Variants in NECAB1 observed in about 807,000 individuals in gnomAD.
The protein encoded by NECAB1 is N-terminal EF-hand calcium binding protein 1.
In NECAB1, 29 loss-of-function variants were observed where a neutral mutation model predicts 57.5. The observed-to-expected ratio is 0.50, with a 90% CI of 0.38 to 0.69. The LOEUF (loss-of-function observed/expected upper bound fraction) is 0.69. NECAB1 is among the 30% of genes least tolerant of loss of function. NECAB1 has a pLI of 0.00. For missense variants in NECAB1, 372 were observed against 413.8 expected (o/e 0.90, Z 0.88); for synonymous variants, 142 against 147.7 (o/e 0.96, Z 0.28).
chr8:90,904,333 A>G (rs1004920105), intron 5 of NECAB1, among the ~76,000 whole-genome samples: 1 of 151,974 alleles, frequency 6.6e-6, no homozygotes, highest in Non-Finnish European at 1.5e-5. Context: ...ATCATCAGCT[A>G]AATAATAAGT....
chr8:90,917,901 T>TGCGC (rs1270368652), intron 6 of NECAB1, among the ~76,000 whole-genome samples: 2 of 127,310 alleles, frequency 1.6e-5, no homozygotes, highest in East Asian at 2.7e-4. Context: ...TATATGTCTG[T>TGCGC]GTGTATATAT....
intron 5 of NECAB1, 28 bp from the exon 6 acceptor site, chr8:90,917,464 C>T: frequency 6.4e-7 from 1 of 1,563,726 alleles, no homozygotes; most frequent in East Asian, 2.3e-5. Flanking sequence ...TACCATACTT[C>T]TAATTGCATT....
At chr8:90,881,012 T>G in intron 4 of NECAB1, 21 bp from the exon 5 acceptor site, 1 of 1,529,112 alleles carries the variant, frequency 6.5e-7, no homozygotes, top group Non-Finnish European at 8.9e-7. Context: ...ATGAATTTAT[T>G]TCAATATTTT....
intron 1 of NECAB1, among the ~76,000 whole-genome samples, chr8:90,795,110 A>G (rs1334167558): frequency 6.6e-6 from 1 of 152,232 alleles, no homozygotes; most frequent in Admixed American, 6.5e-5. Context: ...CCAATGGACT[A>G]TCATTTCCCC....
At chr8:90,868,685 T>G (rs1474131293) in intron 3 of NECAB1, among the ~76,000 whole-genome samples, 2 of 152,164 alleles carry the variant, frequency 1.3e-5, no homozygotes, top group Admixed American at 1.3e-4. Flanking sequence ...TGCTCATATA[T>G]GTGAACAAAG....
In NECAB1 at chr8:90,956,619, A is replaced by G. The variant is rs1811036575; in HGVS notation, c.*1107A>G. 6.6e-6 allele frequency: 1 copy of G among 151,924 alleles called. No homozygotes were observed. Among genetic ancestry groups the G allele is most frequent in the Admixed American group, 6.6e-5 (1 of 15,204 alleles). 9.4% of individuals were successfully genotyped at this position (151,924 alleles called of 1,614,324 possible). On this transcript the variant is annotated 3_prime_UTR_variant, in exon 13 of 13. Coordinates refer to ENST00000417640, the MANE Select transcript of NECAB1 (RefSeq NM_022351.5). ...TATAAACCTTGCTAATGAAAATACA[A>G]TACATATAAAAATGTATAGCCATGT...
intron 3 of NECAB1, among the ~76,000 whole-genome samples, chr8:90,864,971 G>A (rs1808483063): frequency 6.6e-6 from 1 of 152,036 alleles, no homozygotes. Flanking sequence ...TGTGGCCAGG[G>A]TGGGTTAGAC....
chr8:90,872,275 A>C, intron 4 of NECAB1, 122 bp downstream of exon 4: 1 of 761,830 alleles, frequency 1.3e-6, no homozygotes, highest in Non-Finnish European at 2.0e-6. Flanking sequence ...AGGAAAAATT[A>C]ATCGAGATCT....
At chr8:90,867,626 C>T (rs549539596) in intron 3 of NECAB1, among the ~76,000 whole-genome samples, 31 of 152,158 alleles carry the variant, frequency 2.0e-4, no homozygotes, top group Middle Eastern at 3.4e-3. Flanking sequence ...AGCTTGCAGT[C>T]GAGATATAGG....
chr8:90,861,919 T>G (rs750913656), intron 3 of NECAB1, among the ~76,000 whole-genome samples: 24 of 152,136 alleles, frequency 1.6e-4, no homozygotes, highest in Non-Finnish European at 4.4e-5. Flanking sequence ...ACCTTGAGAA[T>G]AAGATGTCAT....
Position 90,955,638 on chromosome 8 carries a change from G to A in NECAB1, c.*126G>A, listed in dbSNP as rs1811018168. 9 of 597,290 alleles carry A rather than the reference G, an allele frequency of 1.5e-5. No individual in the cohort carries two copies. In the Admixed American group the frequency reaches 3.3e-4, roughly 22 times the overall value. The allele number at this position is 597,290 out of a possible 1,614,324, so 37.0% of individuals were successfully genotyped here. On this transcript the variant is annotated 3_prime_UTR_variant, in exon 13 of 13. Transcript: ENST00000417640. ...TTTTTGTTTGGTATATTTACTAAGT[G>A]CACTCTTTCAAAACTTATTCTATAA... is the stretch of plus-strand genomic sequence containing the variant.
At chr8:90,824,638 G>A in intron 2 of NECAB1, 79 bp from the exon 3 acceptor site, 3 of 867,454 alleles carry the variant, frequency 3.5e-6, no homozygotes, top group Non-Finnish European at 5.3e-6. Context: ...ACAAGCGTTT[G>A]GGTGAAGTTT....
chr8:90,925,887 T>C (rs75497513), intron 7 of NECAB1, among the ~76,000 whole-genome samples: 9,295 of 152,082 alleles, frequency 0.061, 355 homozygotes, highest in Middle Eastern at 0.12. Flanking sequence ...CACAGAGAGA[T>C]GGTGAATAGG....
At chr8:90,875,515 A>AAAAAG (rs1808705561) in intron 4 of NECAB1, among the ~76,000 whole-genome samples, 1 of 140,862 alleles carries the variant, frequency 7.1e-6, no homozygotes, top group Admixed American at 7.0e-5. Flanking sequence ...AAAAAAAAAA[A>AAAAAG]GAATAGGTAG....
At chr8:90,943,652 C>A (rs916857623) in intron 10 of NECAB1, among the ~76,000 whole-genome samples, 4 of 152,182 alleles carry the variant, frequency 2.6e-5, no homozygotes, top group Admixed American at 6.5e-5. Flanking sequence ...AGGTTCTGTT[C>A]TCCCATGATG....
intron 10 of NECAB1, among the ~76,000 whole-genome samples, chr8:90,947,814 A>C (rs1810846427): frequency 6.6e-6 from 1 of 152,230 alleles, no homozygotes; most frequent in Admixed American, 6.5e-5. Context: ...GGATGGTGGA[A>C]GGTCTGCTGG....
At chr8:90,862,427 T>C (rs1048907229) in intron 3 of NECAB1, among the ~76,000 whole-genome samples, 1 of 152,088 alleles carries the variant, frequency 6.6e-6, no homozygotes, top group African/African-American at 2.4e-5. Flanking sequence ...CACAGAGGTA[T>C]TCTACCTGTA....
intron 4 of NECAB1, 62 bp downstream of exon 4, chr8:90,872,215 T>A: frequency 7.7e-7 from 1 of 1,294,054 alleles, no homozygotes; most frequent in Non-Finnish European, 1.1e-6. Flanking sequence ...AAGAGTATTG[T>A]CTGATATATA....
intron 4 of NECAB1, among the ~76,000 whole-genome samples, chr8:90,877,127 A>C (rs771237335): frequency 6.6e-6 from 1 of 152,318 alleles, no homozygotes; most frequent in South Asian, 2.1e-4. Flanking sequence ...AAGCTCAGCC[A>C]CTTCCAAATA....
Sources: allele counts gnomAD v4.1 joint callset (sites outside exome capture counted in the v4.1 genomes callset), GRCh38; gene constraint gnomAD v4.1.1; transcripts MANE v1.5; gene names NCBI Gene and HGNC (gene_info 2026-07-23, HGNC 2026-07-21).